GTF3C2: variants seen among roughly 807,000 people sequenced by gnomAD.
GTF3C2 encodes the protein general transcription factor IIIC subunit 2.
A neutral mutation model predicts 117.4 loss-of-function variants in GTF3C2; 17 were observed. The observed-to-expected ratio is 0.14, with a 90% CI of 0.10 to 0.22. The LOEUF is 0.22. Among genes scored for constraint, GTF3C2 ranks in the 10% least tolerant of loss-of-function variants. The pLI, the probability that GTF3C2 is intolerant of heterozygous loss-of-function variation, is 1.00. For synonymous variants in GTF3C2, 437 were observed against 427.0 expected (o/e 1.02, Z -0.29); for missense variants, 888 against 1,143.6 (o/e 0.78, Z 3.22).
At chr2:27,336,225 C>T in exon 8 of GTF3C2, 1 of 1,613,728 alleles carries the variant, frequency 6.2e-7, no homozygotes, top group Non-Finnish European at 8.5e-7. Flanking sequence ...GGTCCCAAGG[C>T]CCCAGAGCTG....
intron 12 of GTF3C2, among the ~76,000 whole-genome samples, chr2:27,332,102 CTT>C (rs971418319): frequency 2.0e-5 from 3 of 152,164 alleles, no homozygotes; most frequent in African/African-American, 7.2e-5. Context: ...ACTTTAGTGT[CTT>C]TTTCTTCTAT....
At chr2:27,353,772 T>C (rs1250586376) in intron 1 of GTF3C2, among the ~76,000 whole-genome samples, 3 of 152,272 alleles carry the variant, frequency 2.0e-5, no homozygotes, top group Non-Finnish European at 4.4e-5. Context: ...CAGGCTGGAA[T>C]GCAGTAGTGC....
intron 1 of GTF3C2, among the ~76,000 whole-genome samples, chr2:27,346,223 T>A (rs1411284515): frequency 6.7e-6 from 1 of 149,792 alleles, no homozygotes; most frequent in Non-Finnish European, 1.5e-5. Context: ...GAGGTCTCAC[T>A]ACGTTGCCCA....
intron 12 of GTF3C2, among the ~76,000 whole-genome samples, chr2:27,330,135 C>T (rs1459443174): frequency 8.4e-6 from 1 of 119,232 alleles, no homozygotes; most frequent in Admixed American, 9.6e-5. Flanking sequence ...GAGCAGACTC[C>T]GTCTCAAAAA....
chr2:27,346,310 C>A, intron 1 of GTF3C2, among the ~76,000 whole-genome samples: 1 of 142,020 alleles, frequency 7.0e-6, no homozygotes, highest in Non-Finnish European at 1.5e-5. Flanking sequence ...AGGTGTTAGC[C>A]ACCGTGCCCA....
At chr2:27,354,664 A>G (rs756739030) in intron 1 of GTF3C2, among the ~76,000 whole-genome samples, 2 of 152,016 alleles carry the variant, frequency 1.3e-5, no homozygotes, top group Non-Finnish European at 2.9e-5. Flanking sequence ...CTGAGACAGG[A>G]GAATCACTTG....
chr2:27,339,204 C>T (rs536571886), intron 4 of GTF3C2, among the ~76,000 whole-genome samples: 1 of 150,364 alleles, frequency 6.7e-6, no homozygotes, highest in Admixed American at 6.6e-5. Flanking sequence ...GTCAGGAGTT[C>T]GAGACCAGCC....
chr2:27,327,450 GAGT>G (rs1680119874), intron 17 of GTF3C2, among the ~76,000 whole-genome samples, 166 bp from the exon 18 acceptor site: 1 of 151,896 alleles, frequency 6.6e-6, no homozygotes, highest in Non-Finnish European at 1.5e-5. Flanking sequence ...TCAGCCTCCT[GAGT>G]AGCTGGGATT....
At chr2:27,345,766 T>G (rs1380444102) in intron 1 of GTF3C2, among the ~76,000 whole-genome samples, 2 of 149,106 alleles carry the variant, frequency 1.3e-5, no homozygotes, top group African/African-American at 2.5e-5. Context: ...CAGGCTGGAG[T>G]GCAGTGGCGT....
chr2:27,337,196 G>C, intron 7 of GTF3C2, 48 bp downstream of exon 7: 1 of 1,107,370 alleles, frequency 9.0e-7, no homozygotes, highest in Non-Finnish European at 1.4e-6. Context: ...CATTTTTCTT[G>C]TTTCTGGCTC....
chr2:27,343,353 T>G, exon 2 of GTF3C2: 1 of 1,614,002 alleles, frequency 6.2e-7, no homozygotes, highest in Non-Finnish European at 8.5e-7. Context: ...GGAGGGAGCC[T>G]CCTCTGATCA....
intron 6 of GTF3C2, 54 bp from the exon 7 acceptor site, chr2:27,337,396 G>C: frequency 6.7e-7 from 1 of 1,484,856 alleles, no homozygotes; most frequent in South Asian, 1.1e-5. Context: ...ACCCATCTCA[G>C]GGTTCCCATT....
chr2:27,351,340 G>A (rs1367498649), intron 1 of GTF3C2, among the ~76,000 whole-genome samples: 2 of 152,146 alleles, frequency 1.3e-5, no homozygotes, highest in East Asian at 3.9e-4. Context: ...CTGGAACCTG[G>A]AAGGTGGAGG....
At chr2:27,326,210 A>ATGGT (rs2148232992) in exon 19 of GTF3C2, 1 of 472,418 alleles carries the variant, frequency 2.1e-6, no homozygotes, top group African/African-American at 2.0e-5. Flanking sequence ...GGCATACATG[A>ATGGT]TGGTTACCCT....
At chr2:27,334,903 G>A (rs76924108) in intron 10 of GTF3C2, among the ~76,000 whole-genome samples, 2,165 of 152,052 alleles carry the variant, frequency 0.014, 55 homozygotes, top group African/African-American at 0.05. Flanking sequence ...CCTAGGCCTC[G>A]CAAAGTACTG....
At chr2:27,333,460 T>C in intron 12 of GTF3C2, 195 bp downstream of exon 12, 1 of 533,836 alleles carries the variant, frequency 1.9e-6, no homozygotes, top group Non-Finnish European at 3.3e-6. Flanking sequence ...TGGCCCAGCA[T>C]CTATGTACTC....
intron 12 of GTF3C2, among the ~76,000 whole-genome samples, chr2:27,332,115 A>C (rs1254780843): frequency 6.6e-6 from 1 of 152,166 alleles, no homozygotes; most frequent in African/African-American, 2.4e-5. Flanking sequence ...TTTCTTCTAT[A>C]AAATTAAGAT....
Position 27,342,244 on chromosome 2 carries a change from G to C in GTF3C2, c.570-11C>G, listed in dbSNP as rs114358508. On this transcript the variant is annotated splice_polypyrimidine_tract_variant and intron_variant, in intron 3 of 18. Transcript: ENST00000264720. ...AGATACAGAAGTGCCCTGTGGGAAC[G>C]GACAGAGTCAGAGCCATTCTCACAT... is the stretch of plus-strand genomic sequence containing the variant. 4 of 1,599,030 alleles carry C rather than the reference G, an allele frequency of 2.5e-6. No individual in the cohort carries two copies. The African/African-American group carries it at 4.0e-5, about 16-fold the overall frequency.
chr2:27,335,688 A>G (rs950714957), exon 10 of GTF3C2: 1 of 1,560,928 alleles, frequency 6.4e-7, no homozygotes, highest in East Asian at 2.4e-5. Context: ...AAGAGACCCA[A>G]CCGGGGCAGG....
Sources: allele counts gnomAD v4.1 joint callset (sites outside exome capture counted in the v4.1 genomes callset), GRCh38; gene constraint gnomAD v4.1.1; transcripts MANE v1.5; gene names NCBI Gene and HGNC (gene_info 2026-07-23, HGNC 2026-07-21).